Variants in NPVF observed in about 807,000 individuals in gnomAD.
NPVF encodes neuropeptide VF precursor.
In NPVF, 17 loss-of-function variants were observed where a neutral mutation model predicts 15.7. That is an observed-to-expected ratio of 1.08 (90% confidence interval 0.74 to 1.62). NPVF has a LOEUF of 1.62. NPVF is among the 40% of genes most tolerant of loss of function. The pLI is 0.00. For synonymous variants in NPVF, 70 were observed against 80.1 expected (o/e 0.87, Z 0.67); for missense variants, 270 against 225.2 (o/e 1.20, Z -1.27).
In NPVF at chr7:25,228,462, T is replaced by A. The variant is rs1365091694; in HGVS notation, c.-23A>T. 2 of 1,562,466 alleles carry A rather than the reference T, an allele frequency of 1.3e-6. No individual in the cohort carries two copies. Among genetic ancestry groups the A allele is most frequent in the African/African-American group, 1.4e-5 (1 of 73,352 alleles). Reference sequence around the variant, plus strand: ...CATTTTGTCTAAATCTAAAATTAAGTCTCTATGTGCAGCCCAATGTTTATG... The same window carrying A: ...CATTTTGTCTAAATCTAAAATTAAGACTCTATGTGCAGCCCAATGTTTATG... On this transcript the variant is annotated 5_prime_UTR_variant, in exon 1 of 3. Transcript: ENST00000222674.
In NPVF at chr7:25,226,902, A is replaced by G. The variant is rs987753310; in HGVS notation, c.263T>C (p.Leu88Ser). 7.4e-6 allele frequency: 12 copies of G among 1,614,176 alleles called. No homozygotes were observed. Among genetic ancestry groups the G allele is most frequent in the Non-Finnish European group, 1.0e-5 (12 of 1,180,020 alleles). The change falls in exon 2 of 3, where the codon TTG becomes TCG. Residue 88 changes from leucine to serine, a missense_variant. Physicochemically the swap from Leu to Ser is moderately radical, Grantham distance 145 (BLOSUM62 -2). Coordinates refer to ENST00000222674, the MANE Select transcript of NPVF (RefSeq NM_022150.3). ...VNKMPHSFANLPLRFGRNVQE... is the reference protein window; with the variant it reads ...VNKMPHSFANSPLRFGRNVQE... ...AACGTTCCTCCCAAATCTCAATGGC[A>G]AGTTGGCGAAGGAGTGTGGCATTTT...
Position 25,224,888 on chromosome 7 carries a change from G to T in NPVF, c.*234C>A. On this transcript the variant is annotated 3_prime_UTR_variant, in exon 3 of 3. Transcript: ENST00000222674. ...CTCTCCATTATCAGAGATTTCTAAA[G>T]CATTTGCAATGCTTTTTTTTTATTC... The T allele has an allele frequency of 2.0e-6, 1 of 490,220 alleles. No homozygotes were observed. Among genetic ancestry groups the T allele is most frequent in the South Asian group, 3.4e-5 (1 of 29,668 alleles). The allele number at this position is 490,220 out of a possible 1,614,324, so 30.4% of individuals were successfully genotyped here.
chr7:25,227,115 C>T, intron 1 of NPVF, 89 bp from the exon 2 acceptor site: 2 of 1,149,030 alleles, frequency 1.7e-6, no homozygotes, highest in Non-Finnish European at 2.5e-6. Context: ...AGACTTTAAT[C>T]TGCAGAATTG....
chr7:25,226,576 C>T lies in NPVF; in HGVS notation c.539+50G>A, dbSNP rs201654779. The T allele has an allele frequency of 1.8e-4, 277 of 1,562,210 alleles. No individual in the cohort carries two copies. In the African/African-American group the frequency reaches 3.4e-3, roughly 19 times the overall value. ...TGTAGTCATTTTTAAAGTTTCTAGA[C>T]CACCTCTATATAACTGCCCATGCAC... is the stretch of plus-strand genomic sequence containing the variant. On this transcript the variant is annotated intron_variant, in intron 2 of 2. Transcript: ENST00000222674.
Position 25,225,081 on chromosome 7 carries a change from T to C in NPVF, c.*41A>G. 1 of 1,573,894 alleles carries C rather than the reference T, an allele frequency of 6.4e-7. No homozygotes were observed. The highest frequency in any genetic ancestry group is 8.7e-7 in the Non-Finnish European group (1 of 1,147,362). ...GTGGTCTTCGCTATAGAGCCATTTG[T>C]AGATTACAGGCCACAGCTTTAGGGA... On this transcript the variant is annotated 3_prime_UTR_variant, in exon 3 of 3. Coordinates refer to ENST00000222674, the MANE Select transcript of NPVF (RefSeq NM_022150.3).
At chr7:25,226,506 C>G in intron 2 of NPVF, 120 bp downstream of exon 2, 1 of 1,214,928 alleles carries the variant, frequency 8.2e-7, no homozygotes, top group Non-Finnish European at 1.2e-6. Context: ...TTGCCTCTCT[C>G]TCCTGCTAGG....
rs777367363 is a variant in NPVF, at chr7:25,228,198, A to T, written c.138+104T>A. 22 of 811,268 alleles carry T rather than the reference A, an allele frequency of 2.7e-5. No individual in the cohort carries two copies. The African/African-American group carries it at 3.1e-4, about 12-fold the overall frequency. 50.3% of individuals were successfully genotyped at this position (811,268 alleles called of 1,614,324 possible). A position where few individuals can be genotyped will look rare whatever the true frequency, so the allele number is the denominator to read the frequency against. On this transcript the variant is annotated intron_variant, in intron 1 of 2. Transcript: ENST00000222674. ...GAAGGCTGAAATTTCACAAAAAAACAGAGTACACACCAACTTACTTCTTAG... is the reference window on the plus strand; with the variant it reads ...GAAGGCTGAAATTTCACAAAAAAACTGAGTACACACCAACTTACTTCTTAG...
chr7:25,225,396 C>T (rs1181858654), intron 2 of NPVF, among the ~76,000 whole-genome samples: 1 of 152,224 alleles, frequency 6.6e-6, no homozygotes, highest in Non-Finnish European at 1.5e-5. Context: ...GCCCCACTCC[C>T]AACATCTGAT....
chr7:25,226,799 TCTCACGAGG>T lies in NPVF; in HGVS notation c.357_365del (p.Ser119_Val121del), dbSNP rs768310878. On this transcript the variant is annotated inframe_deletion, in exon 2 of 3. Coordinates refer to ENST00000222674, the MANE Select transcript of NPVF (RefSeq NM_022150.3). ...ACCTTTGGGGCAGGTTAGGAACACGTCTCACGAGGCTCACCTCCATATTTCTTCCAGATC... is the reference window on the plus strand; with the variant it reads ...ACCTTTGGGGCAGGTTAGGAACACGTCTCACCTCCATATTTCTTCCAGATC... 3.1e-6 allele frequency: 5 copies of T among 1,614,142 alleles called. No homozygotes were observed. In the Admixed American group the frequency reaches 6.7e-5, roughly 22 times the overall value.
At chr7:25,225,595 C>T (rs978535908) in intron 2 of NPVF, among the ~76,000 whole-genome samples, 5 of 152,216 alleles carry the variant, frequency 3.3e-5, no homozygotes, top group African/African-American at 7.2e-5. Context: ...TGCCAAAGGG[C>T]GCCTCGGCTG....
At chr7:25,226,534 A>G (rs904387681) in intron 2 of NPVF, 92 bp downstream of exon 2, 7 of 1,431,404 alleles carry the variant, frequency 4.9e-6, no homozygotes, top group Admixed American at 4.3e-5. Context: ...CTGTCTTAGA[A>G]ACTTATGTTG....
In NPVF at chr7:25,226,677, G is replaced by A. The variant is rs765775709; in HGVS notation, c.488C>T (p.Ser163Phe). 38 of 1,614,048 alleles carry A rather than the reference G, an allele frequency of 2.4e-5. No individual in the cohort carries two copies. In the East Asian group the frequency reaches 8.2e-4, roughly 35 times the overall value. ...HSPCANDLFY[S>F]MTCQHQEIQN... The stretch of plus-strand genomic sequence containing the variant: ...GATTTCTTGGTGCTGGCAGGTCATG[G>A]AGTAAAATAAGTCATTGGCACATGG... Residue 163 changes from serine (S) to phenylalanine (F), a missense_variant, in exon 2 of 3, where the codon TCC (serine) becomes TTC (phenylalanine). Coordinates refer to ENST00000222674, the MANE Select transcript of NPVF (RefSeq NM_022150.3).
rs749257548 is a variant in NPVF, at chr7:25,226,750, T to G, written c.415A>C (p.Ser139Arg). Reference protein sequence around the residue: ...QRFGRTTTAKSVCRMLSDLCQ... With the variant: ...QRFGRTTTAKRVCRMLSDLCQ... ...AAATCACTCAGCATCCTGCAGACAC[T>G]TTTGGCTGTTGTTGTTCTCCCAAAC... Residue 139 changes from serine (S) to arginine (R), a missense_variant, in exon 2 of 3, where the codon AGT (serine) becomes CGT (arginine). Physicochemically the swap from Ser to Arg is moderately radical, Grantham distance 110. Coordinates refer to ENST00000222674, the MANE Select transcript of NPVF (RefSeq NM_022150.3). 6.2e-7 allele frequency: 1 copy of G among 1,614,084 alleles called. No individual in the cohort carries two copies.
intron 1 of NPVF, 152 bp from the exon 2 acceptor site, chr7:25,227,178 T>G: frequency 1.5e-6 from 1 of 668,220 alleles, no homozygotes; most frequent in Non-Finnish European, 2.5e-6. Flanking sequence ...TTAAATGATT[T>G]GTATTAAGCT....
chr7:25,226,622 T>A lies in NPVF; in HGVS notation c.539+4A>T, dbSNP rs1178397477. The A allele has an allele frequency of 1.2e-6, 2 of 1,612,420 alleles. No homozygotes were observed. On this transcript the variant is annotated splice_donor_region_variant and intron_variant, in intron 2 of 2. Transcript: ENST00000222674. ...TGCACTTTGACTGGTTTCCAGGTAT[T>A]TACCTTGACTGTTTTTGATCGGGAT...
intron 2 of NPVF, among the ~76,000 whole-genome samples, chr7:25,225,798 T>C (rs1441745213): frequency 6.6e-6 from 1 of 152,238 alleles, no homozygotes. Flanking sequence ...GAGGGCTTAC[T>C]ATGTGGTAGA....
chr7:25,226,522 T>TA, intron 2 of NPVF, 104 bp downstream of exon 2: 1 of 1,350,664 alleles, frequency 7.4e-7, no homozygotes, highest in Non-Finnish European at 1.0e-6. Context: ...CTAGGAAACT[T>TA]ACTGTCTTAG....
At chr7:25,225,249 T>G in intron 2 of NPVF, 76 bp from the exon 3 acceptor site, 1 of 1,110,052 alleles carries the variant, frequency 9.0e-7, no homozygotes, top group Non-Finnish European at 1.4e-6. Flanking sequence ...ATACAAGCCA[T>G]AGTCCTAACT....
chr7:25,226,958 A>AT lies in NPVF; in HGVS notation c.206dup (p.Asn69LysfsTer4), dbSNP rs766699446. ...CTGCAGGTGTACTCATCTTAATAAC[A>AT]TTTTTTGGTCCCCAATCTTTTAATT... is the stretch of plus-strand genomic sequence containing the variant. On this transcript the variant is annotated frameshift_variant, in exon 2 of 3. Coordinates refer to ENST00000222674, the MANE Select transcript of NPVF (RefSeq NM_022150.3). LOFTEE classifies it high-confidence loss of function. 8.1e-6 allele frequency: 13 copies of AT among 1,611,900 alleles called. No homozygotes were observed. The highest frequency in any genetic ancestry group is 2.7e-5 in the African/African-American group (2 of 74,676).
Sources: allele counts gnomAD v4.1 joint callset (sites outside exome capture counted in the v4.1 genomes callset), GRCh38; gene constraint gnomAD v4.1.1; transcripts MANE v1.5; gene names NCBI Gene and HGNC (gene_info 2026-07-23, HGNC 2026-07-21).